Variants in SYNE1 observed in about 807,000 individuals in gnomAD.
SYNE1 encodes spectrin repeat containing nuclear envelope protein 1.
A neutral mutation model predicts 1,111.0 loss-of-function variants in SYNE1; 616 were observed. That is an observed-to-expected ratio of 0.55 (90% confidence interval 0.52 to 0.59). The LOEUF (loss-of-function observed/expected upper bound fraction) is 0.59, where lower values mean the gene tolerates loss of function less well. Ranked by LOEUF, SYNE1 falls within the 20% of genes least tolerant of loss-of-function variation. The pLI, the probability that SYNE1 is intolerant of heterozygous loss-of-function variation, is 0.00. For missense variants in SYNE1, 10,006 were observed against 10,417.0 expected (o/e 0.96, Z 1.72); for synonymous variants, 3,855 against 3,825.8 (o/e 1.01, Z -0.28).
At chr6:152,298,874 A>C (rs1383200117) in intron 93 of SYNE1, among the ~76,000 whole-genome samples, 3 of 152,228 alleles carry the variant, frequency 2.0e-5, no homozygotes, top group Admixed American at 2.0e-4. Context: ...CAGCTCCCTC[A>C]GAGTAAAGCT....
chr6:152,289,486 G>A (rs2094478503), intron 95 of SYNE1, among the ~76,000 whole-genome samples: 1 of 152,162 alleles, frequency 6.6e-6, no homozygotes, highest in South Asian at 2.1e-4. Flanking sequence ...CACCTTCCAG[G>A]TTCAAGCAAT....
At position 152,442,205 on chromosome 6, in the gene SYNE1, T is replaced by C. The variant is rs2098537786; in HGVS notation, c.3878A>G (p.Gln1293Arg). 2 of 1,613,510 alleles carry C rather than the reference T, an allele frequency of 1.2e-6. No homozygotes were observed. The highest frequency in any genetic ancestry group is 1.3e-5 in the African/African-American group (1 of 74,960). Residue 1293 changes from glutamine (Q) to arginine (R), a missense_variant, in exon 31 of 146, where the codon CAG becomes CGG. This residue lies in a region of SYNE1 where 1,971 missense variants were observed against 2,084.1 expected (regional missense o/e 0.95). Coordinates refer to ENST00000367255, the MANE Select transcript of SYNE1 (RefSeq NM_182961.4). ...CTGCTGCGCCTGCGCGATCTGCTGC[T>C]GCACATCTCTCTTCTTTGCTGAGAT... ...KRISAKKRDVQQQIAQAQQGE... is the reference protein window; with the variant it reads ...KRISAKKRDVRQQIAQAQQGE...
intron 108 of SYNE1, among the ~76,000 whole-genome samples, chr6:152,238,646 T>A (rs1170729024): frequency 1.3e-5 from 2 of 151,558 alleles, no homozygotes; most frequent in Non-Finnish European, 2.9e-5. Context: ...ATTGTGGGAG[T>A]GGGTGGGGAA....
At chr6:152,133,203 A>G in intron 143 of SYNE1, 73 bp downstream of exon 143, 3 of 1,384,890 alleles carry the variant, frequency 2.2e-6, no homozygotes, top group Non-Finnish European at 3.1e-6. Flanking sequence ...AAGTCTTTCT[A>G]AAATGCATGA....
rs1375354789 is a variant in SYNE1, at chr6:152,133,287, T to C, written c.25990A>G (p.Ser8664Gly). The stretch of plus-strand genomic sequence containing the variant: ...TGTTTATTGCTTACCTGCTGACTAC[T>C]TGACACGTCTAATAACTTCTCCAGT... ...KELEKLLDVSSSQQDLSSWSS... is the reference protein window; with the variant it reads ...KELEKLLDVSGSQQDLSSWSS... The change falls in exon 143 of 146, where the codon AGT (serine) becomes GGT (glycine). Residue 8664 changes from serine to glycine, a missense_variant. Coordinates refer to ENST00000367255, the MANE Select transcript of SYNE1 (RefSeq NM_182961.4). 1.9e-6 allele frequency: 3 copies of C among 1,614,192 alleles called. No homozygotes were observed. Among genetic ancestry groups the C allele is most frequent in the Non-Finnish European group, 1.7e-6 (2 of 1,180,022 alleles).
chr6:152,531,688 T>C (rs1392570773), intron 4 of SYNE1, among the ~76,000 whole-genome samples: 1 of 152,142 alleles, frequency 6.6e-6, no homozygotes, highest in East Asian at 1.9e-4. Flanking sequence ...ATTCTACCAT[T>C]CTATTTTCTT....
chr6:152,491,597 C>T (rs2098970941), intron 11 of SYNE1, among the ~76,000 whole-genome samples: 1 of 152,104 alleles, frequency 6.6e-6, no homozygotes, highest in African/African-American at 2.4e-5. Flanking sequence ...TCTAAATGGC[C>T]AGAAAACAGC....
chr6:152,401,032 A>G (rs376310795), intron 47 of SYNE1, 106 bp downstream of exon 47: 2 of 1,127,468 alleles, frequency 1.8e-6, no homozygotes, highest in African/African-American at 3.1e-5. Context: ...TCTGGTGTTC[A>G]TATGGGTAAC....
chr6:152,132,052 G>A, intron 144 of SYNE1, 70 bp downstream of exon 144: 2 of 1,417,256 alleles, frequency 1.4e-6, no homozygotes, highest in Non-Finnish European at 2.0e-6. Context: ...ACCCTGTGGT[G>A]GGTGCAAATA....
intron 16 of SYNE1, among the ~76,000 whole-genome samples, chr6:152,470,636 A>G (rs2098800532): frequency 6.6e-6 from 1 of 152,180 alleles, no homozygotes; most frequent in Non-Finnish European, 1.5e-5. Context: ...AAAATGTAGC[A>G]AAACAGATTA....
At chr6:152,288,047 G>A (rs976034583) in intron 95 of SYNE1, among the ~76,000 whole-genome samples, 5 of 151,850 alleles carry the variant, frequency 3.3e-5, no homozygotes, top group Admixed American at 2.6e-4. Flanking sequence ...TTTTGTGCCT[G>A]AATGCTAAAA....
chr6:152,353,399 C>T lies in SYNE1; in HGVS notation c.11117G>A (p.Ser3706Asn). The change falls in exon 69 of 146, where the codon AGT becomes AAT. Residue 3706 changes from serine to asparagine, a missense_variant. Ser to Asn is a conservative substitution (Grantham distance 46). Coordinates refer to ENST00000367255, the MANE Select transcript of SYNE1 (RefSeq NM_182961.4). ...QIKFLEEEIQ[S>N]LEESESSLSS... ...GAGGGATGATTCTGATTCCTCCAAACTCTGAATCTCCTCCTCCAGGAATTT... is the reference window on the plus strand; with the variant it reads ...GAGGGATGATTCTGATTCCTCCAAATTCTGAATCTCCTCCTCCAGGAATTT... The T allele has an allele frequency of 1.2e-6, 2 of 1,614,200 alleles. No individual in the cohort carries two copies. Among genetic ancestry groups the T allele is most frequent in the Non-Finnish European group, 1.7e-6 (2 of 1,180,038 alleles).
At chr6:152,307,290 G>T (rs2153829390) in intron 91 of SYNE1, among the ~76,000 whole-genome samples, 1 of 152,242 alleles carries the variant, frequency 6.6e-6, no homozygotes, top group Middle Eastern at 3.4e-3. Context: ...TAGATGTCAA[G>T]AAATTAAATA....
chr6:152,193,970 G>A lies in SYNE1; in HGVS notation c.23146-4563C>T, dbSNP rs552711655. 1.2e-4 allele frequency among the ~76,000 whole-genome samples: 18 copies of A among 147,852 alleles called. No homozygotes were observed. In the South Asian group the frequency reaches 2.1e-3, roughly 18 times the overall value. On this transcript the variant is annotated intron_variant, in intron 127 of 145. Coordinates refer to ENST00000367255, the MANE Select transcript of SYNE1 (RefSeq NM_182961.4). ...AGAGCTTGCAGTGGGCCAAGATCCC[G>A]CCACTGCACTCCAGCCTGGGCAGCA...
rs1279470140 is a variant in SYNE1, at chr6:152,512,623, G to A, written c.310-1520C>T. ...GAATATAATTTGATTATCCTACCTCGACCCAGTTCCAATTGTACTTGAAAT... is the reference window on the plus strand; with the variant it reads ...GAATATAATTTGATTATCCTACCTCAACCCAGTTCCAATTGTACTTGAAAT... On this transcript the variant is annotated intron_variant, in intron 6 of 145. Transcript: ENST00000367255. Among the ~76,000 whole-genome samples the A allele has an allele frequency of 3.3e-5, 5 of 151,918 alleles. No homozygotes were observed. In the East Asian group the frequency reaches 5.8e-4, roughly 18 times the overall value.
intron 2 of SYNE1, among the ~76,000 whole-genome samples, chr6:152,630,651 C>A (rs1436477406): frequency 1.3e-5 from 2 of 152,194 alleles, no homozygotes; most frequent in Admixed American, 6.5e-5. Context: ...ATCAACCAAT[C>A]TACCTATTAT....
intron 138 of SYNE1, 75 bp downstream of exon 138, chr6:152,143,548 G>A: frequency 6.2e-7 from 1 of 1,605,194 alleles, no homozygotes; most frequent in Non-Finnish European, 8.5e-7. Flanking sequence ...AAGCCCTGAT[G>A]CTGCAGACGA....
rs1442181634 is a variant in SYNE1, at chr6:152,628,288, G to A, written c.44C>T (p.Ala15Val). 6.2e-7 allele frequency: 1 copy of A among 1,614,016 alleles called. No homozygotes were observed. Among genetic ancestry groups the A allele is most frequent in the Non-Finnish European group, 8.5e-7 (1 of 1,180,016 alleles). The stretch of plus-strand genomic sequence containing the variant: ...ACCTTGCAGCCTCTGCATCACATTG[G>A]CGATATCCCGAGGACACCGGGAGGC... ...RGASRCPRDIANVMQRLQDEQ... is the reference protein window; with the variant it reads ...RGASRCPRDIVNVMQRLQDEQ... Residue 15 changes from alanine (A) to valine (V), a missense_variant, in exon 3 of 146, where the codon GCC becomes GTC. By Grantham distance (64) the Ala-to-Val change is moderately conservative (BLOSUM62 0). This residue lies in a region of SYNE1 where 1,971 missense variants were observed against 2,084.1 expected (regional missense o/e 0.95). Coordinates refer to ENST00000367255, the MANE Select transcript of SYNE1 (RefSeq NM_182961.4).
At chr6:152,202,217 G>A (rs2075611685) in intron 126 of SYNE1, among the ~76,000 whole-genome samples, 1 of 151,668 alleles carries the variant, frequency 6.6e-6, no homozygotes, top group South Asian at 2.1e-4. Context: ...CATGGTGGCA[G>A]GCTCCTATAA....
Sources: gnomAD v4.1 joint callset for allele counts (sites outside exome capture counted in the v4.1 genomes callset) on GRCh38, gnomAD v4.1.1 for gene constraint, gnomAD v4.1.1 regional missense constraint, MANE v1.5 for transcripts, NCBI Gene and HGNC (gene_info 2026-07-23, HGNC 2026-07-21) for gene names.